The following LSM2 variants were observed in gnomAD, a reference collection of about 807,000 sequenced individuals.
LSM2 encodes U6 snRNA-associated Sm-like protein LSm2.
A neutral mutation model predicts 17.0 loss-of-function variants in LSM2; 12 were observed. The observed-to-expected ratio is 0.70, with a 90% CI of 0.45 to 1.14. The LOEUF is 1.14. Ranked by LOEUF, LSM2 falls within the 50% of genes most tolerant of loss-of-function variation. The probability of loss-of-function intolerance (pLI) is 0.00; values close to 1 mark genes in which losing one functional copy is unlikely to be tolerated. For missense variants in LSM2, 62 were observed against 111.8 expected, an observed-to-expected ratio of 0.55 and a Z score of 2.01; for synonymous variants, 42 against 44.5, an observed-to-expected ratio of 0.94 and a Z score of 0.22.
intron 1 of LSM2, 146 bp downstream of exon 1, chr6:31,806,609 T>G: frequency 9.1e-7 from 1 of 1,101,414 alleles, no homozygotes; most frequent in African/African-American, 1.6e-5. Context: ...CAGTGCCTCC[T>G]CAATGAACCT....
At chr6:31,806,513 C>G (rs1815046260) in intron 1 of LSM2, 1 of 644,276 alleles carries the variant, frequency 1.6e-6, no homozygotes, top group Non-Finnish European at 2.8e-6. Context: ...TGAGGTCTAA[C>G]TTTTCCGTCT....
At chr6:31,802,731 G>T (rs1751409231) in intron 2 of LSM2, 1 of 152,198 alleles carries the variant, frequency 6.6e-6, no homozygotes, top group South Asian at 2.1e-4. Flanking sequence ...GGCCAACATG[G>T]TGAAACCCTG....
rs375262468 is a variant in LSM2, at chr6:31,798,585, G to A, written c.72-78C>T. ...ATAGAGGTGACTTCAGAGCTGGGAT[G>A]AGAACATGACTGGGAGAAGTCAAGG... On this transcript the variant is annotated intron_variant, in intron 2 of 4. Transcript: ENST00000375661. The A allele has an allele frequency of 3.5e-5, 53 of 1,531,740 alleles. 2 individuals carry two copies. In the African/African-American group the frequency reaches 6.3e-4, roughly 18 times the overall value. The allele number at this position is 1,531,740 out of a possible 1,614,324, so 94.9% of individuals were successfully genotyped here. A position where few individuals can be genotyped will look rare whatever the true frequency, so the allele number is the denominator to read the frequency against.
chr6:31,805,999 A>G (rs1815009770), intron 2 of LSM2, 76 bp downstream of exon 2: 1 of 1,340,492 alleles, frequency 7.5e-7, no homozygotes, highest in Non-Finnish European at 1.1e-6. Flanking sequence ...TAGCCCTGAA[A>G]TATTTCTCAA....
chr6:31,805,686 ATTTACTC>A (rs1483528852), intron 2 of LSM2, among the ~76,000 whole-genome samples: 1 of 151,578 alleles, frequency 6.6e-6, no homozygotes, highest in Non-Finnish European at 1.5e-5. Flanking sequence ...CCTGACCTGT[ATTTACTC>A]TTTAAACTAT....
chr6:31,806,248 C>G (rs965570855), intron 1 of LSM2, 106 bp from the exon 2 acceptor site: 1 of 1,019,998 alleles, frequency 9.8e-7, no homozygotes, highest in Admixed American at 2.3e-5. Context: ...CCACTGCATC[C>G]CTGACAGTTC....
At chr6:31,803,090 C>A (rs1814813138) in intron 2 of LSM2, among the ~76,000 whole-genome samples, 1 of 152,092 alleles carries the variant, frequency 6.6e-6, no homozygotes, top group Non-Finnish European at 1.5e-5. Flanking sequence ...CTCTGTGGCC[C>A]CAATCTATAC....
Position 31,806,793 on chromosome 6 carries a change from A to C in LSM2, c.-36T>G. 1 of 1,606,786 alleles carries C rather than the reference A, an allele frequency of 6.2e-7. No individual in the cohort carries two copies. Among genetic ancestry groups the C allele is most frequent in the Non-Finnish European group, 8.5e-7 (1 of 1,177,666 alleles). ...CCGCGGGCAGCGGGCCGGACCGGGA[A>C]GACAGCAGGGTGCTGCGAGCAGGTC... is the stretch of plus-strand genomic sequence containing the variant. On this transcript the variant is annotated 5_prime_UTR_variant, in exon 1 of 5. Transcript: ENST00000375661.
chr6:31,806,186 G>A (rs748944873), intron 1 of LSM2, 44 bp from the exon 2 acceptor site: 3 of 1,575,140 alleles, frequency 1.9e-6, no homozygotes, highest in Middle Eastern at 1.7e-4. Flanking sequence ...GAAGGAGCAT[G>A]GTAGGGAGGA....
chr6:31,805,370 T>TTG (rs9281583), intron 2 of LSM2, among the ~76,000 whole-genome samples: 1 of 2,914 alleles, frequency 3.4e-4, no homozygotes, highest in Non-Finnish European at 4.8e-4. Flanking sequence ...TAGTACTTAC[T>TTG]TTTTTTTTTT....
chr6:31,803,583 C>CT (rs777600870), intron 2 of LSM2, among the ~76,000 whole-genome samples: 2,122 of 142,142 alleles, frequency 0.015, 30 homozygotes, highest in African/African-American at 0.043. Context: ...TTTAAATGTA[C>CT]TTTTTTTTTT....
chr6:31,801,548 A>T (rs974436691), intron 2 of LSM2, among the ~76,000 whole-genome samples: 2 of 152,130 alleles, frequency 1.3e-5, no homozygotes, highest in African/African-American at 4.8e-5. Context: ...TGATCCCAGC[A>T]CTTTGGGAGG....
rs368194729 is a variant in LSM2, at chr6:31,797,743, A to G, written c.*14T>C. On this transcript the variant is annotated 3_prime_UTR_variant, in exon 5 of 5. Transcript: ENST00000375661. ...TCACCAATGAAAGAGGGAGGGGAAG[A>G]GGAGGAGGAGCCATCACTGTTTCTG... 120 of 1,612,272 alleles carry G rather than the reference A, an allele frequency of 7.4e-5. No homozygotes were observed. The Middle Eastern group carries it at 1.3e-3, about 17-fold the overall frequency.
In LSM2 at chr6:31,797,513, A is replaced by T; in HGVS notation, c.*244T>A. 3.8e-6 allele frequency: 2 copies of T among 525,978 alleles called. No individual in the cohort carries two copies. The highest frequency in any genetic ancestry group is 3.4e-6 in the Non-Finnish European group (1 of 296,404). 32.6% of individuals were successfully genotyped at this position (525,978 alleles called of 1,614,324 possible). A position where few individuals can be genotyped will look rare whatever the true frequency, so the allele number is the denominator to read the frequency against. On this transcript the variant is annotated 3_prime_UTR_variant, in exon 5 of 5. Coordinates refer to ENST00000375661, the MANE Select transcript of LSM2 (RefSeq NM_021177.5). ...CTACCATCTCCAGAGAAGTAGTGAG[A>T]AAGGCAGGTGCTGGGGACTGGGAAG...
At chr6:31,806,553 G>A in intron 1 of LSM2, 1 of 738,344 alleles carries the variant, frequency 1.4e-6, no homozygotes, top group South Asian at 1.7e-5. Context: ...CTCTCTCAGG[G>A]TTGGGGTTTT....
intron 1 of LSM2, 113 bp downstream of exon 1, chr6:31,806,642 A>C (rs1440331280): frequency 1.4e-5 from 18 of 1,326,584 alleles, no homozygotes; most frequent in Non-Finnish European, 1.8e-5. Context: ...AGTACTAAAG[A>C]TGAAGATAAA....
At chr6:31,804,908 AG>A (rs1814930320) in intron 2 of LSM2, among the ~76,000 whole-genome samples, 1 of 151,800 alleles carries the variant, frequency 6.6e-6, no homozygotes. Context: ...CTGGAACTAC[AG>A]GAGCATGCCA....
chr6:31,806,877 G>C lies in LSM2; in HGVS notation c.-120C>G, dbSNP rs1815078257. 7 of 1,318,584 alleles carry C rather than the reference G, an allele frequency of 5.3e-6. No homozygotes were observed. The highest frequency in any genetic ancestry group is 7.1e-6 in the Non-Finnish European group (7 of 982,864). The allele number at this position is 1,318,584 out of a possible 1,614,324, so 81.7% of individuals were successfully genotyped here. ...CGAGGCGGGACCGCGCAGGCGCAGCGGGAAGCGACGCAGAAAGCTCCAAGC... is the reference window on the plus strand; with the variant it reads ...CGAGGCGGGACCGCGCAGGCGCAGCCGGAAGCGACGCAGAAAGCTCCAAGC... On this transcript the variant is annotated 5_prime_UTR_variant, in exon 1 of 5. Coordinates refer to ENST00000375661, the MANE Select transcript of LSM2 (RefSeq NM_021177.5).
At chr6:31,800,064 C>T (rs1332575598) in intron 2 of LSM2, among the ~76,000 whole-genome samples, 1 of 151,994 alleles carries the variant, frequency 6.6e-6, no homozygotes, top group Non-Finnish European at 1.5e-5. Context: ...TGGCCGGGCA[C>T]GGTGGCTCAC....
Sources: allele counts gnomAD v4.1 joint callset (sites outside exome capture counted in the v4.1 genomes callset), GRCh38; gene constraint gnomAD v4.1.1; transcripts MANE v1.5; gene names NCBI Gene and HGNC (gene_info 2026-07-23, HGNC 2026-07-21).